PAN3: variants seen among roughly 807,000 people sequenced by gnomAD.
PAN3 encodes the protein PAN2-PAN3 deadenylation complex subunit PAN3.
Under a neutral mutation model 96.2 loss-of-function variants are expected in PAN3, and 19 were observed. The observed-to-expected ratio is 0.20, with a 90% confidence interval of 0.14 to 0.29. PAN3 has a LOEUF of 0.29. Ranked by LOEUF, PAN3 falls within the 10% of genes least tolerant of loss-of-function variation. The pLI is 1.00. For synonymous variants in PAN3, 433 were observed against 406.6 expected (o/e 1.06, Z -0.78); for missense variants, 882 against 1,108.1 (o/e 0.80, Z 2.90).
At chr13:28,238,756 T>C (rs922411738) in intron 6 of PAN3, among the ~76,000 whole-genome samples, 3 of 152,246 alleles carry the variant, frequency 2.0e-5, no homozygotes, top group African/African-American at 4.8e-5. Flanking sequence ...TTCAGTGTTA[T>C]GAAATTAGCT....
chr13:28,189,080 A>T (rs955980091), intron 4 of PAN3, among the ~76,000 whole-genome samples: 1 of 152,200 alleles, frequency 6.6e-6, no homozygotes, highest in African/African-American at 2.4e-5. Flanking sequence ...CTTTCCTTTG[A>T]CATAGTGAGT....
intron 1 of PAN3, among the ~76,000 whole-genome samples, chr13:28,147,754 A>G (rs752767924): frequency 6.6e-6 from 1 of 152,182 alleles, no homozygotes; most frequent in Non-Finnish European, 1.5e-5. Flanking sequence ...CATAAAGTCA[A>G]ACCATCATAG....
At chr13:28,192,233 C>A (rs1185640275) in intron 4 of PAN3, among the ~76,000 whole-genome samples, 1 of 151,810 alleles carries the variant, frequency 6.6e-6, no homozygotes, top group African/African-American at 2.4e-5. Context: ...CCACACCCAG[C>A]TAATTTTTGT....
intron 4 of PAN3, among the ~76,000 whole-genome samples, chr13:28,180,337 GAC>G (rs1424141617): frequency 2.0e-5 from 3 of 152,178 alleles, no homozygotes; most frequent in African/African-American, 7.2e-5. Context: ...GTAATCTACA[GAC>G]ACAGAGTTTT....
intron 18 of PAN3, 96 bp from the exon 19 acceptor site, chr13:28,292,286 A>G: frequency 7.7e-7 from 1 of 1,297,462 alleles, no homozygotes; most frequent in South Asian, 1.8e-5. Context: ...AATGTGACAA[A>G]AAAAATTTAG....
chr13:28,289,708 C>T (rs747061499), intron 18 of PAN3, among the ~76,000 whole-genome samples: 16 of 152,076 alleles, frequency 1.1e-4, no homozygotes, highest in African/African-American at 2.2e-4. Context: ...GGTGAAACCC[C>T]GTCCCTACTA....
chr13:28,292,686 T>C lies in PAN3; in HGVS notation c.*164T>C. ...GTACACTGTTACTTGAAAGGAAGAA[T>C]GTTTCACTTACCCAAGAGCTATGGC... On this transcript the variant is annotated 3_prime_UTR_variant, in exon 19 of 19. Transcript: ENST00000380958. The C allele has an allele frequency of 1.8e-6, 1 of 543,010 alleles. No homozygotes were observed. Among genetic ancestry groups the C allele is most frequent in the South Asian group, 5.3e-5 (1 of 18,728 alleles). The allele number at this position is 543,010 out of a possible 1,614,324, so 33.6% of individuals were successfully genotyped here.
intron 1 of PAN3, among the ~76,000 whole-genome samples, chr13:28,159,925 T>G (rs1274796190): frequency 7.0e-6 from 1 of 143,048 alleles, no homozygotes; most frequent in Non-Finnish European, 1.5e-5. Context: ...AAATAAAAGG[T>G]TTTTTTTTTT....
intron 5 of PAN3, among the ~76,000 whole-genome samples, chr13:28,211,803 A>G (rs1880068919): frequency 1.3e-5 from 2 of 152,234 alleles, no homozygotes; most frequent in South Asian, 4.1e-4. Context: ...GATATCAGAC[A>G]GTGAAGGACA....
chr13:28,270,941 G>C (rs1886572917), intron 13 of PAN3, 75 bp downstream of exon 13: 3 of 1,354,366 alleles, frequency 2.2e-6, no homozygotes, highest in South Asian at 1.5e-5. Flanking sequence ...AAACATGATT[G>C]TTTTAATTCT....
At chr13:28,175,080 A>C (rs1343418436) in intron 2 of PAN3, among the ~76,000 whole-genome samples, 1 of 152,142 alleles carries the variant, frequency 6.6e-6, no homozygotes, top group Non-Finnish European at 1.5e-5. Flanking sequence ...ATTTTGTAGA[A>C]TTGGAATAAA....
At position 28,288,828 on chromosome 13, in the gene PAN3, A is replaced by ATTT. The variant is rs756889416; in HGVS notation, c.2523+724_2523+726dup. Among the ~76,000 whole-genome samples, 213 of 123,730 alleles carry ATTT rather than the reference A, an allele frequency of 1.7e-3. 7 individuals are homozygous for ATTT. Among genetic ancestry groups the ATTT allele is most frequent in the African/African-American group, 6.3e-3 (196 of 31,110 alleles). The allele number at this position is 123,730 out of a possible 152,430, so 81.2% of individuals were successfully genotyped here. A position where few individuals can be genotyped will look rare whatever the true frequency, so the allele number is the denominator to read the frequency against. ...GTTATCAAATCATTATTAACTATAG[A>ATTT]TTTTTTTTTTTTTTTTTTTTGAGAC... On this transcript the variant is annotated intron_variant, in intron 18 of 18. Coordinates refer to ENST00000380958, the MANE Select transcript of PAN3 (RefSeq NM_175854.8).
chr13:28,258,838 A>G (rs1035653806), intron 7 of PAN3, among the ~76,000 whole-genome samples: 4 of 152,332 alleles, frequency 2.6e-5, no homozygotes, highest in Non-Finnish European at 4.4e-5. Context: ...GATCTTATAC[A>G]CATCCTCCTG....
chr13:28,257,716 AATT>A (rs2138595178), intron 7 of PAN3, among the ~76,000 whole-genome samples: 1 of 139,578 alleles, frequency 7.2e-6, no homozygotes, highest in African/African-American at 2.7e-5. Context: ...TATTATATAT[AATT>A]AATATATATT....
At chr13:28,253,267 C>G (rs575148619) in intron 6 of PAN3, among the ~76,000 whole-genome samples, 57 of 152,000 alleles carry the variant, frequency 3.8e-4, no homozygotes, top group Non-Finnish European at 4.9e-4. Flanking sequence ...ACTACTTGTT[C>G]CTGTAGTGTG....
chr13:28,212,201 C>T (rs765973051), intron 5 of PAN3, among the ~76,000 whole-genome samples: 3 of 152,146 alleles, frequency 2.0e-5, no homozygotes, highest in Admixed American at 6.5e-5. Context: ...CACTGGCCAA[C>T]GTGGAAAACT....
intron 4 of PAN3, among the ~76,000 whole-genome samples, chr13:28,183,063 A>G (rs2138148162): frequency 6.6e-6 from 1 of 152,322 alleles, no homozygotes; most frequent in Admixed American, 6.5e-5. Flanking sequence ...TGGAGAAATT[A>G]ATCTGAGTAT....
Position 28,266,863 on chromosome 13 carries a change from T to C in PAN3, c.1560T>C (p.Leu520=), listed in dbSNP as rs1886223250. The change falls in exon 10 of 19, where the codon CTT becomes CTC. Residue 520 remains leucine, a synonymous_variant. Coordinates refer to ENST00000380958, the MANE Select transcript of PAN3 (RefSeq NM_175854.8). Reference sequence around the variant, plus strand: ...GCAAAGATGATCTGCCATATTGCCTTCGGAGGATACATGGTAAGGAAGATA... The same window carrying C: ...GCAAAGATGATCTGCCATATTGCCTCCGGAGGATACATGGTAAGGAAGATA... ...VNSKDDLPYC[L]RRIHGFRLVN... is the part of the protein sequence containing the mutation. The C allele has an allele frequency of 6.2e-7, 1 of 1,600,018 alleles. No individual in the cohort carries two copies. The highest frequency in any genetic ancestry group is 8.5e-7 in the Non-Finnish European group (1 of 1,174,204).
At chr13:28,159,863 G>A (rs1872687011) in intron 1 of PAN3, among the ~76,000 whole-genome samples, 1 of 151,954 alleles carries the variant, frequency 6.6e-6, no homozygotes, top group Non-Finnish European at 1.5e-5. Context: ...CCAAACCCCT[G>A]CCATATGTAA....
Sources: gnomAD v4.1 joint callset for allele counts (sites outside exome capture counted in the v4.1 genomes callset) on GRCh38, gnomAD v4.1.1 for gene constraint, MANE v1.5 for transcripts, NCBI Gene and HGNC (gene_info 2026-07-23, HGNC 2026-07-21) for gene names.